ABCB4: variants seen among roughly 807,000 people sequenced by gnomAD.
ABCB4 encodes phosphatidylcholine translocator ABCB4.
Under a neutral mutation model 145.7 loss-of-function variants are expected in ABCB4, and 76 were observed. That is an observed-to-expected ratio of 0.52 (90% CI 0.43 to 0.63). ABCB4 has a LOEUF of 0.63. Ranked by LOEUF, ABCB4 falls within the 30% of genes least tolerant of loss-of-function variation. ABCB4 has a pLI of 0.00. For synonymous variants in ABCB4, 517 were observed against 566.8 expected (o/e 0.91, Z 1.25); for missense variants, 1,234 against 1,553.1 (o/e 0.79, Z 3.45).
chr7:87,400,899 C>G (rs1482995008), downstream of ABCB4, among the ~76,000 whole-genome samples: 1 of 152,212 alleles, frequency 6.6e-6, no homozygotes, highest in Non-Finnish European at 1.5e-5. Flanking sequence ...TCCTCTCACT[C>G]ACACTTCACC....
At position 87,423,980 on chromosome 7, in the gene ABCB4, C is replaced by G; in HGVS notation, c.2137G>C (p.Val713Leu). 1.2e-6 allele frequency: 2 copies of G among 1,614,064 alleles called. No individual in the cohort carries two copies. The highest frequency in any genetic ancestry group is 1.7e-6 in the Non-Finnish European group (2 of 1,179,982). Reference sequence around the variant, plus strand: ...TTGGCAATGGCACATACTGTTCCCACGACAAAGTAGGGCCATTCTGTTTTA... The same window carrying G: ...TTGGCAATGGCACATACTGTTCCCAGGACAAAGTAGGGCCATTCTGTTTTA... ...LNKTEWPYFV[V>L]GTVCAIANGG... Residue 713 changes from valine to leucine, a missense_variant, in exon 17 of 28, where the codon GTG becomes CTG. Val to Leu is a conservative substitution (Grantham distance 32, BLOSUM62 1). This residue lies in a region of ABCB4 where 321 missense variants were observed against 332.6 expected (regional missense o/e 0.97). Transcript: ENST00000649586.
At chr7:87,420,135 C>A in intron 18 of ABCB4, 60 bp from the exon 19 acceptor site, 1 of 1,488,486 alleles carries the variant, frequency 6.7e-7, no homozygotes, top group Non-Finnish European at 9.4e-7. Context: ...TGCACCAGAC[C>A]AATCATGTTC....
intron 24 of ABCB4, 68 bp from the exon 25 acceptor site, chr7:87,408,302 C>T: frequency 6.7e-7 from 1 of 1,488,256 alleles, no homozygotes; most frequent in East Asian, 2.4e-5. Context: ...AATATTATTT[C>T]AAGGAAACTT....
At chr7:87,376,657 C>T in the ABCB4 span, among the ~76,000 whole-genome samples, 1 of 149,056 alleles carries the variant, frequency 6.7e-6, no homozygotes. Context: ...TTGAGAATCA[C>T]CAGACTTCTT....
At chr7:87,458,352 T>G (rs1812234121) in intron 4 of ABCB4, among the ~76,000 whole-genome samples, 1 of 152,230 alleles carries the variant, frequency 6.6e-6, no homozygotes, top group African/African-American at 2.4e-5. Flanking sequence ...TGGAGTGGCT[T>G]TATTCTGTTG....
chr7:87,460,720 G>A (rs994012087), intron 4 of ABCB4, among the ~76,000 whole-genome samples: 11 of 151,058 alleles, frequency 7.3e-5, no homozygotes, highest in African/African-American at 2.7e-4. Flanking sequence ...GCACCATCTC[G>A]GCTCACTACA....
chr7:87,470,741 G>A (rs1449046702), intron 3 of ABCB4, among the ~76,000 whole-genome samples: 1 of 152,182 alleles, frequency 6.6e-6, no homozygotes, highest in African/African-American at 2.4e-5. Flanking sequence ...AGGATGTGGA[G>A]AAATAGGAAC....
chr7:87,459,213 A>T (rs1349741786), intron 4 of ABCB4, among the ~76,000 whole-genome samples: 2 of 152,154 alleles, frequency 1.3e-5, no homozygotes, highest in African/African-American at 4.8e-5. Flanking sequence ...AGTACTGTTA[A>T]GTATATTCAC....
At chr7:87,387,225 C>G in the ABCB4 span, among the ~76,000 whole-genome samples, 1 of 151,988 alleles carries the variant, frequency 6.6e-6, no homozygotes, top group South Asian at 2.1e-4. Context: ...TGCTTCTACT[C>G]TGCCATTATG....
chr7:87,375,883 T>A, the ABCB4 span: 19 of 1,613,388 alleles, frequency 1.2e-5, no homozygotes, highest in Non-Finnish European at 1.3e-5. Flanking sequence ...TTAGAAAAAA[T>A]TCAGAGTAGT....
At chr7:87,409,483 T>C in intron 23 of ABCB4, 91 bp from the exon 24 acceptor site, 2 of 1,359,520 alleles carry the variant, frequency 1.5e-6, no homozygotes, top group South Asian at 1.2e-5. Context: ...ACCAGTATTT[T>C]TTCCCTTTAC....
At chr7:87,469,912 T>A (rs1813237698) in intron 3 of ABCB4, among the ~76,000 whole-genome samples, 1 of 152,198 alleles carries the variant, frequency 6.6e-6, no homozygotes, top group Non-Finnish European at 1.5e-5. Context: ...CATTGGCAAG[T>A]CAATCCTAAG....
intron 3 of ABCB4, among the ~76,000 whole-genome samples, chr7:87,466,187 T>A (rs1408352594): frequency 6.6e-6 from 1 of 152,130 alleles, no homozygotes; most frequent in Non-Finnish European, 1.5e-5. Context: ...GAATAACCGA[T>A]GCAGAGAAGT....
chr7:87,461,014 A>G (rs757324091), intron 4 of ABCB4, among the ~76,000 whole-genome samples: 55 of 151,792 alleles, frequency 3.6e-4, no homozygotes, highest in Non-Finnish European at 5.0e-4. Context: ...CCCAGGCTGT[A>G]GTGCAATGGC....
At chr7:87,437,518 AAAT>A (rs201059673) in intron 14 of ABCB4, among the ~76,000 whole-genome samples, 3 of 152,102 alleles carry the variant, frequency 2.0e-5, no homozygotes, top group East Asian at 1.9e-4. Flanking sequence ...AGCAACCAAA[AAAT>A]AATAATAATA....
downstream of ABCB4, among the ~76,000 whole-genome samples, chr7:87,397,154 C>G (rs1310864300): frequency 1.3e-5 from 2 of 152,070 alleles, no homozygotes; most frequent in African/African-American, 4.8e-5. Context: ...GAGTTCAAGA[C>G]CAGTCTGGCC....
intron 17 of ABCB4, 26 bp from the exon 18 acceptor site, chr7:87,422,251 AC>A: frequency 6.5e-7 from 1 of 1,541,488 alleles, no homozygotes; most frequent in Non-Finnish European, 9.0e-7. Context: ...TAAAACGCCC[AC>A]TTGGATTACA....
At chr7:87,444,689 G>C (rs1037787907) in intron 10 of ABCB4, among the ~76,000 whole-genome samples, 173 bp downstream of exon 10, 4 of 152,098 alleles carry the variant, frequency 2.6e-5, no homozygotes, top group African/African-American at 9.7e-5. Context: ...ATATTAATAA[G>C]AGGTATTTTC....
chr7:87,382,082 G>A, the ABCB4 span: 7 of 1,610,294 alleles, frequency 4.3e-6, no homozygotes, highest in Non-Finnish European at 5.1e-6. Flanking sequence ...AGGGTTCAGA[G>A]AAGGTACGAG....
Sources: allele counts gnomAD v4.1 joint callset (sites outside exome capture counted in the v4.1 genomes callset), GRCh38; gene constraint gnomAD v4.1.1; regional missense constraint gnomAD v4.1.1; transcripts MANE v1.5; gene names NCBI Gene and HGNC (gene_info 2026-07-23, HGNC 2026-07-21).